The following CAMK2B variants were observed in gnomAD, a reference collection of about 807,000 sequenced individuals.
The protein encoded by CAMK2B is calcium/calmodulin-dependent protein kinase type II subunit beta.
CAMK2B carries 27 observed loss-of-function variants against 93.7 expected under a neutral mutation model. The ratio of observed to expected loss-of-function variants is 0.29; its 90% CI spans 0.21 to 0.40. The LOEUF (loss-of-function observed/expected upper bound fraction) is 0.40. Among genes scored for constraint, CAMK2B ranks in the 10% least tolerant of loss-of-function variants. The probability of loss-of-function intolerance (pLI) is 1.00; values close to 1 mark genes in which losing one functional copy is unlikely to be tolerated. For synonymous variants in CAMK2B, 374 were observed against 358.8 expected, an observed-to-expected ratio of 1.04 and a Z score of -0.48; for missense variants, 568 against 895.8, an observed-to-expected ratio of 0.63 and a Z score of 4.67.
chr7:44,230,928 G>C (rs2096573264), intron 17 of CAMK2B, 78 bp downstream of exon 17: 1 of 1,285,496 alleles, frequency 7.8e-7, no homozygotes, highest in Admixed American at 2.1e-5. Flanking sequence ...AGTTGACCCT[G>C]CCCAAGTCCC....
At chr7:44,249,517 G>A (rs889772270) in intron 5 of CAMK2B, among the ~76,000 whole-genome samples, 1 of 152,186 alleles carries the variant, frequency 6.6e-6, no homozygotes, top group Non-Finnish European at 1.5e-5. Flanking sequence ...TTTGTCCTGG[G>A]AAGGGCATAG....
At chr7:44,315,125 G>A (rs1195826768) in intron 1 of CAMK2B, among the ~76,000 whole-genome samples, 2 of 152,160 alleles carry the variant, frequency 1.3e-5, no homozygotes, top group Non-Finnish European at 2.9e-5. Flanking sequence ...GTTTATGCTT[G>A]TGGTGTCATA....
chr7:44,239,961 G>A (rs1413847039), intron 12 of CAMK2B, among the ~76,000 whole-genome samples: 3 of 152,172 alleles, frequency 2.0e-5, no homozygotes, highest in African/African-American at 4.8e-5. Context: ...TGGTGTGACC[G>A]TGTGCACGCG....
intron 2 of CAMK2B, among the ~76,000 whole-genome samples, chr7:44,282,412 G>C (rs1334431529): frequency 6.6e-6 from 1 of 152,242 alleles, no homozygotes. Flanking sequence ...GTGGAGAATG[G>C]TTGGGAGCGC....
At chr7:44,267,074 C>G (rs1163273792) in intron 2 of CAMK2B, 2 of 152,282 alleles carry the variant, frequency 1.3e-5, no homozygotes, top group Admixed American at 1.3e-4. Context: ...TAAGAACAAC[C>G]TCTGAAATAG....
chr7:44,246,002 G>A (rs2096726075), intron 6 of CAMK2B, among the ~76,000 whole-genome samples: 1 of 152,054 alleles, frequency 6.6e-6, no homozygotes, highest in African/African-American at 2.4e-5. Context: ...GAGAGAGGAA[G>A]GAGCAGAGAG....
chr7:44,237,348 C>T (rs1262373130), intron 13 of CAMK2B, among the ~76,000 whole-genome samples: 4 of 152,236 alleles, frequency 2.6e-5, no homozygotes, highest in Non-Finnish European at 5.9e-5. Flanking sequence ...AATAAAAAGA[C>T]AGAAGTTCAC....
At chr7:44,324,552 C>T (rs960283688) in intron 1 of CAMK2B, among the ~76,000 whole-genome samples, 21 of 152,342 alleles carry the variant, frequency 1.4e-4, no homozygotes, top group African/African-American at 5.1e-4. Flanking sequence ...GGAGCCACAG[C>T]ACCTGTTCCC....
intron 4 of CAMK2B, among the ~76,000 whole-genome samples, chr7:44,257,344 C>G (rs1478884812): frequency 2.0e-5 from 3 of 152,194 alleles, no homozygotes; most frequent in Admixed American, 2.0e-4. Flanking sequence ...TCTTCCCAGC[C>G]TGCCTCAGGG....
chr7:44,229,526 CAGGT>C, intron 17 of CAMK2B, 25 bp from the exon 18 acceptor site: 1 of 1,245,070 alleles, frequency 8.0e-7, no homozygotes, highest in Non-Finnish European at 1.1e-6. Flanking sequence ...GTGAGGCAGG[CAGGT>C]GGGTGGTGCG....
chr7:44,226,605 C>T lies in CAMK2B; in HGVS notation c.1508G>A (p.Gly503Asp), dbSNP rs537194603. Residue 503 changes from glycine to aspartate, a missense_variant, in exon 20 of 24, where the codon GGC (glycine) becomes GAC (aspartate). Coordinates refer to ENST00000395749, the MANE Select transcript of CAMK2B (RefSeq NM_001220.5). Reference protein sequence around the residue: ...ISDILNSVRRGSGTPEAEGPS... With the variant: ...ISDILNSVRRDSGTPEAEGPS... ...GCCCTCGGCTTCTGGGGTCCCTGAG[C>T]CCCTCCTCACAGAGTTCAGGATGTC... 5 of 1,522,752 alleles carry T rather than the reference C, an allele frequency of 3.3e-6. No individual in the cohort carries two copies. The South Asian group carries it at 6.5e-5, about 20-fold the overall frequency. The allele number at this position is 1,522,752 out of a possible 1,614,324, so 94.3% of individuals were successfully genotyped here. A position where few individuals can be genotyped will look rare whatever the true frequency, so the allele number is the denominator to read the frequency against.
chr7:44,242,884 C>T (rs1304236641), intron 8 of CAMK2B, among the ~76,000 whole-genome samples: 1 of 152,192 alleles, frequency 6.6e-6, no homozygotes, highest in Non-Finnish European at 1.5e-5. Context: ...GATGTCAAGC[C>T]CCTCTGCTGC....
Position 44,218,325 on chromosome 7 carries a change from T to A in CAMK2B, c.*1200A>T, listed in dbSNP as rs924551042. On this transcript the variant is annotated 3_prime_UTR_variant, in exon 24 of 24. Coordinates refer to ENST00000395749, the MANE Select transcript of CAMK2B (RefSeq NM_001220.5). The stretch of plus-strand genomic sequence containing the variant: ...GCAGCCACCACCTCTGATCCCGCTC[T>A]GCCACTAGCTGCACCACCCGACCAA... 6.5e-6 allele frequency: 1 copy of A among 152,838 alleles called. No individual in the cohort carries two copies. The allele number at this position is 152,838 out of a possible 1,614,324, so 9.5% of individuals were successfully genotyped here.
At chr7:44,229,846 G>A (rs996231393) in intron 17 of CAMK2B, 15 of 226,716 alleles carry the variant, frequency 6.6e-5, no homozygotes, top group African/African-American at 1.1e-4. Flanking sequence ...CCAGGCGCAC[G>A]GAGAGGGAGT....
At chr7:44,299,210 T>C (rs1029516483) in intron 1 of CAMK2B, among the ~76,000 whole-genome samples, 5 of 152,310 alleles carry the variant, frequency 3.3e-5, no homozygotes, top group Admixed American at 3.3e-4. Flanking sequence ...TATTCAGCCT[T>C]GAAAAGGAAG....
intron 12 of CAMK2B, 114 bp from the exon 13 acceptor site, chr7:44,239,777 A>G: frequency 1.4e-6 from 1 of 738,254 alleles, no homozygotes. Flanking sequence ...ATTAGAGTTA[A>G]AGTTTAGGTG....
chr7:44,266,129 T>C (rs936540557), intron 2 of CAMK2B, among the ~76,000 whole-genome samples: 7 of 152,206 alleles, frequency 4.6e-5, no homozygotes, highest in African/African-American at 1.4e-4. Flanking sequence ...TCATAAAATC[T>C]GCTATGGTAG....
rs181206954 is a variant in CAMK2B, at chr7:44,237,038, C to T, written c.1022-2362G>A. 7.0e-3 allele frequency among the ~76,000 whole-genome samples: 1,062 copies of T among 152,368 alleles called. 10 individuals are homozygous for T. Among genetic ancestry groups the T allele is most frequent in the Admixed American group, 0.016 (252 of 15,310 alleles). On this transcript the variant is annotated intron_variant, in intron 13 of 23. Coordinates refer to ENST00000395749, the MANE Select transcript of CAMK2B (RefSeq NM_001220.5). The stretch of plus-strand genomic sequence containing the variant: ...TTTCAGAAGGCTAGTTCCACCCCAC[C>T]CCCGAGGGGACAGTCAGGCACGTAG...
At position 44,226,632 on chromosome 7, in the gene CAMK2B, G is replaced by A; in HGVS notation, c.1481C>T (p.Ser494Phe). 1 of 1,539,708 alleles carries A rather than the reference G, an allele frequency of 6.5e-7. No homozygotes were observed. Among genetic ancestry groups the A allele is most frequent in the Non-Finnish European group, 8.7e-7 (1 of 1,151,664 alleles). Residue 494 changes from serine (S) to phenylalanine (F), a missense_variant, in exon 20 of 24, where the codon TCT (serine) becomes TTT (phenylalanine). Ser to Phe is a radical substitution (Grantham distance 155). Transcript: ENST00000395749. ...CCTCCTCACAGAGTTCAGGATGTCA[G>A]AGATCCTGGGGGCTGGGGCGGAACA... Reference protein sequence around the residue: ...GPLSSPSPRISDILNSVRRGS... With the variant: ...GPLSSPSPRIFDILNSVRRGS...
Sources: allele counts gnomAD v4.1 joint callset (sites outside exome capture counted in the v4.1 genomes callset), GRCh38; gene constraint gnomAD v4.1.1; transcripts MANE v1.5; gene names NCBI Gene and HGNC (gene_info 2026-07-23, HGNC 2026-07-21).